The following CSNK1G1 variants were observed in gnomAD, a reference collection of about 807,000 sequenced individuals.
The protein encoded by CSNK1G1 is casein kinase I isoform gamma-1.
CSNK1G1 carries 22 observed loss-of-function variants against 59.6 expected under a neutral mutation model. The observed-to-expected ratio is 0.37, with a 90% confidence interval of 0.26 to 0.53. CSNK1G1 has a LOEUF of 0.53. CSNK1G1 is among the 20% of genes least tolerant of loss of function. CSNK1G1 has a pLI of 0.89. For synonymous variants in CSNK1G1, 179 were observed against 177.1 expected, an observed-to-expected ratio of 1.01 and a Z score of -0.08; for missense variants, 384 against 519.5, an observed-to-expected ratio of 0.74 and a Z score of 2.54.
At chr15:64,302,975 A>G (rs1895443788) in intron 1 of CSNK1G1, among the ~76,000 whole-genome samples, 1 of 152,186 alleles carries the variant, frequency 6.6e-6, no homozygotes, top group Admixed American at 6.5e-5. Context: ...CACTTAGACT[A>G]GTATAACATT....
intron 4 of CSNK1G1, among the ~76,000 whole-genome samples, chr15:64,229,875 A>C (rs2082519532): frequency 8.2e-6 from 1 of 121,834 alleles, no homozygotes; most frequent in Non-Finnish European, 1.8e-5. Context: ...AAAATCCTTA[A>C]GCCTATATTT....
Position 64,213,859 on chromosome 15 carries a change from C to T in CSNK1G1, c.679+31G>A, listed in dbSNP as rs369507190. The T allele has an allele frequency of 2.3e-4, 318 of 1,388,730 alleles. 1 individual carries two copies. Among genetic ancestry groups the T allele is most frequent in the Non-Finnish European group, 2.9e-4 (286 of 976,228 alleles). 86.0% of individuals were successfully genotyped at this position (1,388,730 alleles called of 1,614,324 possible). On this transcript the variant is annotated intron_variant, in intron 6 of 11. Transcript: ENST00000303052. ...GAAATAATAAACTGTTCTAATGACT[C>T]GCCCCTTTCATGGAACAGAAAAAAA...
intron 2 of CSNK1G1, among the ~76,000 whole-genome samples, chr15:64,287,882 T>C (rs1021116659): frequency 6.6e-6 from 1 of 152,174 alleles, no homozygotes; most frequent in Non-Finnish European, 1.5e-5. Context: ...GCTCTATTTA[T>C]TTCCAAAACC....
chr15:64,182,062 T>G (rs1385814093), intron 10 of CSNK1G1, among the ~76,000 whole-genome samples: 2 of 136,160 alleles, frequency 1.5e-5, no homozygotes, highest in South Asian at 2.5e-4. Context: ...CGTTTTTTTT[T>G]TTTTTTTTTT....
At position 64,166,063 on chromosome 15, in the gene CSNK1G1, T is replaced by G. The variant is rs1172178008; in HGVS notation, c.*5868A>C. 4 of 650,294 alleles carry G rather than the reference T, an allele frequency of 6.2e-6. No individual in the cohort carries two copies. The highest frequency in any genetic ancestry group is 2.6e-4 in the Middle Eastern group (1 of 3,818). 40.3% of individuals were successfully genotyped at this position (650,294 alleles called of 1,614,324 possible). ...TGAGCTTTGTGACCAGTGCCAGGGT[T>G]TATGAAACATTATACATCTAAAAAA... On this transcript the variant is annotated 3_prime_UTR_variant, in exon 12 of 12. Coordinates refer to ENST00000303052, the MANE Select transcript of CSNK1G1 (RefSeq NM_022048.5). The surrounding 1 kb of genome is among the most constrained non-coding windows in gnomAD (Gnocchi z 4.5).
intron 2 of CSNK1G1, among the ~76,000 whole-genome samples, chr15:64,265,297 C>T (rs1296317247): frequency 2.0e-5 from 3 of 152,162 alleles, no homozygotes; most frequent in Admixed American, 6.6e-5. Context: ...TGTGTCCCCA[C>T]CCAAATCTCA....
At chr15:64,236,142 C>CAAAAAAA (rs532663571) in intron 4 of CSNK1G1, among the ~76,000 whole-genome samples, 5 of 67,980 alleles carry the variant, frequency 7.4e-5, no homozygotes, top group Non-Finnish European at 1.0e-4. Flanking sequence ...GACTCCATCT[C>CAAAAAAA]AAAAAAAAAA....
chr15:64,281,046 A>AT (rs572373669), intron 2 of CSNK1G1, among the ~76,000 whole-genome samples: 207 of 151,962 alleles, frequency 1.4e-3, no homozygotes, highest in Middle Eastern at 3.4e-3. Context: ...CGCCCGGCTA[A>AT]TTTTTTGTAT....
intron 2 of CSNK1G1, among the ~76,000 whole-genome samples, chr15:64,278,484 A>G (rs1399224711): frequency 1.4e-5 from 2 of 146,560 alleles, no homozygotes; most frequent in East Asian, 2.0e-4. Context: ...GCTGGAGTGC[A>G]GTGGCACAAT....
chr15:64,263,402 TG>T (rs1687951756), intron 2 of CSNK1G1, among the ~76,000 whole-genome samples: 1 of 152,022 alleles, frequency 6.6e-6, no homozygotes, highest in South Asian at 2.1e-4. Context: ...TTGGCCAGGA[TG>T]GGCTCGATCT....
At chr15:64,240,529 T>A (rs894904467) in intron 4 of CSNK1G1, among the ~76,000 whole-genome samples, 1 of 151,356 alleles carries the variant, frequency 6.6e-6, no homozygotes, top group East Asian at 1.9e-4. Context: ...AAGAGAGTAC[T>A]CTAAAAACAG....
intron 4 of CSNK1G1, among the ~76,000 whole-genome samples, chr15:64,243,497 A>G (rs1042934381): frequency 6.6e-5 from 10 of 152,146 alleles, no homozygotes; most frequent in African/African-American, 2.4e-4. Context: ...ACAAGACAGG[A>G]TGCCGTCTCT....
chr15:64,217,274 T>C (rs2082324296), intron 4 of CSNK1G1, among the ~76,000 whole-genome samples: 1 of 152,198 alleles, frequency 6.6e-6, no homozygotes, highest in African/African-American at 2.4e-5. Context: ...GTTTTTTGTT[T>C]TTTATCAGCT....
chr15:64,209,078 G>A (rs1169582242), intron 6 of CSNK1G1, among the ~76,000 whole-genome samples: 4 of 151,832 alleles, frequency 2.6e-5, no homozygotes, highest in Non-Finnish European at 5.9e-5. Flanking sequence ...ATAGTTACTG[G>A]GTTTTGCCAT....
intron 4 of CSNK1G1, among the ~76,000 whole-genome samples, chr15:64,217,829 AAAG>A: frequency 6.6e-6 from 1 of 152,118 alleles, no homozygotes; most frequent in Non-Finnish European, 1.5e-5. Flanking sequence ...AAAAAAAAAA[AAAG>A]ATTATAGAAC....
chr15:64,308,800 G>C (rs892383725), intron 1 of CSNK1G1, among the ~76,000 whole-genome samples: 12 of 151,988 alleles, frequency 7.9e-5, no homozygotes, highest in African/African-American at 1.2e-4. Context: ...GGGAAGCTGA[G>C]GCAGGAAAAT....
chr15:64,239,211 C>T (rs561333503), intron 4 of CSNK1G1, among the ~76,000 whole-genome samples: 7 of 152,278 alleles, frequency 4.6e-5, no homozygotes, highest in African/African-American at 1.7e-4. Context: ...GATGCACAAA[C>T]ATCAACACAG....
intron 10 of CSNK1G1, among the ~76,000 whole-genome samples, chr15:64,190,942 A>G (rs1428326947): frequency 6.6e-6 from 1 of 152,222 alleles, no homozygotes; most frequent in Non-Finnish European, 1.5e-5. Flanking sequence ...TCAGGTTTCT[A>G]AAAACTTAAG....
intron 10 of CSNK1G1, among the ~76,000 whole-genome samples, chr15:64,190,662 C>T (rs1252308180): frequency 2.6e-5 from 4 of 152,188 alleles, no homozygotes; most frequent in Non-Finnish European, 4.4e-5. Flanking sequence ...GATCCACCCG[C>T]CTCGGCCTCC....
Sources: gnomAD v4.1 joint callset for allele counts (sites outside exome capture counted in the v4.1 genomes callset) on GRCh38, gnomAD v4.1.1 for gene constraint, Gnocchi (gnomAD v3.1) non-coding constraint, MANE v1.5 for transcripts, NCBI Gene and HGNC (gene_info 2026-07-23, HGNC 2026-07-21) for gene names.